Variants in EYS observed in about 807,000 individuals in gnomAD.
EYS encodes the protein protein eyes shut homolog.
A neutral mutation model predicts 282.1 loss-of-function variants in EYS; 250 were observed. The observed-to-expected ratio is 0.89, with a 90% CI of 0.80 to 0.98. The LOEUF (loss-of-function observed/expected upper bound fraction) is 0.98, where lower values mean the gene tolerates loss of function less well. EYS is among the 50% of genes least tolerant of loss of function. EYS has a pLI of 0.00. For missense variants in EYS, 4,016 were observed against 3,709.0 expected (o/e 1.08, Z -2.15); for synonymous variants, 1,355 against 1,282.9 (o/e 1.06, Z -1.20).
chr6:65,098,184 C>T (rs1276242776), intron 12 of EYS, among the ~76,000 whole-genome samples: 1 of 150,286 alleles, frequency 6.7e-6, no homozygotes, highest in East Asian at 1.9e-4. Context: ...TTTTCCATTG[C>T]AGTAGTCAGG....
chr6:65,360,551 A>G (rs571563189), intron 8 of EYS, among the ~76,000 whole-genome samples: 5 of 152,236 alleles, frequency 3.3e-5, no homozygotes, highest in African/African-American at 1.2e-4. Flanking sequence ...GGGAAATTAT[A>G]TAAGATCATT....
At chr6:65,245,697 T>TAA (rs557943142) in intron 12 of EYS, among the ~76,000 whole-genome samples, 3 of 147,282 alleles carry the variant, frequency 2.0e-5, no homozygotes, top group African/African-American at 7.5e-5. Context: ...TTAAAAAAAG[T>TAA]AAAAAAAAAA....
At position 65,272,605 on chromosome 6, in the gene EYS, C is replaced by T. The variant is rs192263450; in HGVS notation, c.2023+23258G>A. On this transcript the variant is annotated intron_variant, in intron 12 of 42. Transcript: ENST00000503581. The stretch of plus-strand genomic sequence containing the variant: ...AAAAATCTCTTCCTTTTGAACCATT[C>T]TCAGTATCAAAATCTGTATTAGTTA... 7.1e-3 allele frequency among the ~76,000 whole-genome samples: 1,074 copies of T among 152,204 alleles called. 7 individuals carry two copies. Among genetic ancestry groups the T allele is most frequent in the Non-Finnish European group, 0.012 (812 of 68,006 alleles).
At chr6:64,478,082 C>T (rs1372385494) in intron 26 of EYS, among the ~76,000 whole-genome samples, 1 of 151,928 alleles carries the variant, frequency 6.6e-6, no homozygotes, top group Admixed American at 6.6e-5. Flanking sequence ...GAAAGTTTTC[C>T]ACCATTGTGT....
At chr6:64,283,047 C>A (rs1455932960) in intron 30 of EYS, among the ~76,000 whole-genome samples, 1 of 152,220 alleles carries the variant, frequency 6.6e-6, no homozygotes, top group African/African-American at 2.4e-5. Context: ...TCCTAGGAAG[C>A]TTTCTGATCT....
intron 35 of EYS, among the ~76,000 whole-genome samples, chr6:63,926,376 T>C (rs1029804574): frequency 2.6e-5 from 4 of 152,214 alleles, no homozygotes; most frequent in African/African-American, 9.7e-5. Context: ...TTATTTTCTG[T>C]GTAGTTGTTT....
chr6:64,936,275 CCAGAAA>C (rs1302645879), intron 15 of EYS, among the ~76,000 whole-genome samples: 1 of 151,332 alleles, frequency 6.6e-6, no homozygotes, highest in Non-Finnish European at 1.5e-5. Context: ...ACTCAACAAA[CCAGAAA>C]CAGGAGGGAA....
At chr6:65,318,049 A>G (rs1324811227) in intron 11 of EYS, among the ~76,000 whole-genome samples, 2 of 150,996 alleles carry the variant, frequency 1.3e-5, no homozygotes, top group Non-Finnish European at 2.9e-5. Context: ...TTGTATTTTC[A>G]GTAGAGACGG....
intron 29 of EYS, among the ~76,000 whole-genome samples, chr6:64,333,731 A>G (rs1770729474): frequency 1.3e-5 from 2 of 152,136 alleles, no homozygotes; most frequent in Non-Finnish European, 2.9e-5. Context: ...CCCCAATGCA[A>G]CAGTTTAGGT....
chr6:65,664,028 G>A (rs926738489), intron 1 of EYS, among the ~76,000 whole-genome samples: 2 of 151,806 alleles, frequency 1.3e-5, no homozygotes, highest in African/African-American at 4.8e-5. Flanking sequence ...CGGCCACCAC[G>A]CCCGGCTAAT....
At chr6:63,881,351 T>C (rs12212467) in intron 35 of EYS, among the ~76,000 whole-genome samples, 55,594 of 152,030 alleles carry the variant, frequency 0.37, 10,626 homozygotes, top group South Asian at 0.47. Context: ...GGATTACCTA[T>C]TGGGTTCAGA....
intron 1 of EYS, among the ~76,000 whole-genome samples, chr6:65,670,252 C>T (rs1021940717): frequency 2.0e-5 from 3 of 152,030 alleles, no homozygotes; most frequent in Non-Finnish European, 2.9e-5. Context: ...TATAAACACT[C>T]TCTCATTAAA....
chr6:65,650,523 A>G (rs1423315684), intron 1 of EYS, among the ~76,000 whole-genome samples: 1 of 152,202 alleles, frequency 6.6e-6, no homozygotes, highest in Admixed American at 6.5e-5. Context: ...TGGTTATTTC[A>G]GAATACTTTG....
At chr6:64,715,064 T>G (rs527341730) in intron 22 of EYS, among the ~76,000 whole-genome samples, 244 of 151,936 alleles carry the variant, frequency 1.6e-3, no homozygotes, top group Non-Finnish European at 2.8e-3. Flanking sequence ...ACCAGATCTG[T>G]GGAAGATTAT....
chr6:64,659,140 G>A (rs566102362), intron 22 of EYS, among the ~76,000 whole-genome samples: 1 of 151,852 alleles, frequency 6.6e-6, no homozygotes, highest in African/African-American at 2.4e-5. Context: ...TGACTACTGG[G>A]TACATAACAA....
At position 65,339,175 on chromosome 6, in the gene EYS, T is replaced by C. The variant is rs193180719; in HGVS notation, c.1600-4029A>G. On this transcript the variant is annotated intron_variant, in intron 10 of 42. Coordinates refer to ENST00000503581, the MANE Select transcript of EYS (RefSeq NM_001142800.2). ...TACGTAGAAAGCTGGATCCTTAAAA[T>C]AATATCTGTCAAGGTAAAAATTGCA... 2.5e-3 allele frequency among the ~76,000 whole-genome samples: 375 copies of C among 151,306 alleles called. 1 individual carries two copies. The highest frequency in any genetic ancestry group is 8.8e-3 in the African/African-American group (363 of 41,440).
At chr6:65,399,993 T>C (rs1258874835) in intron 7 of EYS, among the ~76,000 whole-genome samples, 2 of 152,046 alleles carry the variant, frequency 1.3e-5, no homozygotes, top group Non-Finnish European at 2.9e-5. Context: ...TTAAAACCTC[T>C]AGTAGGAGTT....
At chr6:65,681,520 T>C (rs1318980400) in intron 1 of EYS, among the ~76,000 whole-genome samples, 1 of 151,982 alleles carries the variant, frequency 6.6e-6, no homozygotes, top group African/African-American at 2.4e-5. Flanking sequence ...GTTAATGATC[T>C]TCACGATATA....
intron 12 of EYS, among the ~76,000 whole-genome samples, chr6:65,123,346 T>C (rs1775620305): frequency 6.6e-6 from 1 of 152,200 alleles, no homozygotes; most frequent in Non-Finnish European, 1.5e-5. Context: ...TTTTTGCTGC[T>C]TTTAATATAC....
Sources: allele counts gnomAD v4.1 joint callset (sites outside exome capture counted in the v4.1 genomes callset), GRCh38; gene constraint gnomAD v4.1.1; transcripts MANE v1.5; gene names NCBI Gene and HGNC (gene_info 2026-07-23, HGNC 2026-07-21).